DNAH5: variants seen among roughly 807,000 people sequenced by gnomAD.
DNAH5 encodes dynein axonemal heavy chain 5.
DNAH5 carries 372 observed loss-of-function variants against 518.2 expected under a neutral mutation model. That is an observed-to-expected ratio of 0.72 (90% confidence interval 0.66 to 0.78). DNAH5 has a LOEUF of 0.78. Among genes scored for constraint, DNAH5 ranks in the 30% least tolerant of loss-of-function variants. DNAH5 has a pLI of 0.00. For missense variants in DNAH5, 5,523 were observed against 5,687.0 expected, an observed-to-expected ratio of 0.97 and a Z score of 0.93; for synonymous variants, 2,039 against 2,025.9, an observed-to-expected ratio of 1.01 and a Z score of -0.17.
chr5:13,714,524 T>A lies in DNAH5; in HGVS notation c.13006A>T (p.Ile4336Phe). ...GTGTCCTTGGGTTGGATGCCTAGGATGGTGTCCAGCACGTCCTTGGCCAGC... is the reference window on the plus strand; with the variant it reads ...GTGTCCTTGGGTTGGATGCCTAGGAAGGTGTCCAGCACGTCCTTGGCCAGC... ...SKLAKDVLDT[I>F]LGIQPKDTSG... Residue 4336 changes from isoleucine to phenylalanine, a missense_variant, in exon 75 of 79, where the codon ATC (isoleucine) becomes TTC (phenylalanine). Around this residue, in one of 3 missense-constraint regions of DNAH5, gnomAD observed 387 missense variants for 430.0 expected, o/e 0.90. Coordinates refer to ENST00000265104, the MANE Select transcript of DNAH5 (RefSeq NM_001369.3). 6.2e-7 allele frequency: 1 copy of A among 1,614,164 alleles called. No homozygotes were observed. The highest frequency in any genetic ancestry group is 1.3e-5 in the African/African-American group (1 of 75,054).
intron 65 of DNAH5, among the ~76,000 whole-genome samples, chr5:13,738,920 G>A (rs761722294): frequency 2.0e-5 from 3 of 152,122 alleles, no homozygotes; most frequent in Non-Finnish European, 4.4e-5. Context: ...CCTGGATGTG[G>A]AGTCCATTGA....
chr5:13,744,162 T>C (rs1329350460), intron 65 of DNAH5, among the ~76,000 whole-genome samples: 1 of 151,892 alleles, frequency 6.6e-6, no homozygotes, highest in Non-Finnish European at 1.5e-5. Context: ...TAAAAAAGAA[T>C]AAAATCCTGT....
Position 13,691,167 on chromosome 5 carries a change from C to CTTTTAAATTGTTTTCAGTTAAT in DNAH5, c.*816_*817insATTAACTGAAAACAATTTAAAA, listed in dbSNP as rs2126325309. ...GTTATTAAATGCAATTTTATATAGA[C>CTTTTAAATTGTTTTCAGTTAAT]TGTTTTCAGTCTTTTAAATTGTTTC... On this transcript the variant is annotated 3_prime_UTR_variant, in exon 79 of 79. Transcript: ENST00000265104. 1.3e-5 allele frequency: 2 copies of CTTTTAAATTGTTTTCAGTTAAT among 152,166 alleles called. No homozygotes were observed. The highest frequency in any genetic ancestry group is 3.9e-4 in the East Asian group (2 of 5,182). 9.4% of individuals were successfully genotyped at this position (152,166 alleles called of 1,614,324 possible).
At chr5:13,786,373 A>T (rs759456410) in intron 51 of DNAH5, 22 bp from the exon 52 acceptor site, 10 of 1,612,650 alleles carry the variant, frequency 6.2e-6, no homozygotes, top group East Asian at 2.2e-5. Context: ...AATAAGAATC[A>T]GTTAAGTTTC....
rs183647503 is a variant in DNAH5, at chr5:13,760,952, G to A, written c.10281+1770C>T. Among the ~76,000 whole-genome samples, 19 of 152,264 alleles carry A rather than the reference G, an allele frequency of 1.2e-4. No individual in the cohort carries two copies. The East Asian group carries it at 3.3e-3, about 26-fold the overall frequency. On this transcript the variant is annotated intron_variant, in intron 60 of 78. Coordinates refer to ENST00000265104, the MANE Select transcript of DNAH5 (RefSeq NM_001369.3). ...GTCTGTGTAACAGCATGTATTTTTC[G>A]GACTGACGTAAGAGGAACCTGACAA... is the stretch of plus-strand genomic sequence containing the variant.
intron 3 of DNAH5, among the ~76,000 whole-genome samples, chr5:13,925,539 G>A (rs1238349448): frequency 2.6e-5 from 4 of 152,112 alleles, no homozygotes; most frequent in African/African-American, 9.7e-5. Flanking sequence ...ATAGCAGAAG[G>A]CAAGGAGGAG....
chr5:13,910,893 G>A (rs950519365), intron 12 of DNAH5, among the ~76,000 whole-genome samples: 1 of 152,240 alleles, frequency 6.6e-6, no homozygotes, highest in Non-Finnish European at 1.5e-5. Flanking sequence ...TCTGCAGTGA[G>A]CAGGTGAAAG....
intron 16 of DNAH5, among the ~76,000 whole-genome samples, chr5:13,891,880 T>C (rs753936917): frequency 1.3e-5 from 2 of 152,304 alleles, no homozygotes; most frequent in East Asian, 1.9e-4. Context: ...CAACTGCACA[T>C]CAAAAGTAGG....
Position 13,737,427 on chromosome 5 carries a change from T to C in DNAH5, c.11280A>G (p.Leu3760=), listed in dbSNP as rs772169912. Residue 3760 remains leucine (L), a synonymous_variant, in exon 66 of 79, where the codon CTA becomes CTG. Coordinates refer to ENST00000265104, the MANE Select transcript of DNAH5 (RefSeq NM_001369.3). ...TCAGGCGGTAAAGCAAGTTATCTTC[T>C]AGTTCCTTCATCCTTCTTTTGTTTG... ...VTANKRRMKE[L]EDNLLYRLTS... is the part of the protein sequence containing the mutation. 4.3e-6 allele frequency: 7 copies of C among 1,614,206 alleles called. No individual in the cohort carries two copies. Among genetic ancestry groups the C allele is most frequent in the Non-Finnish European group, 5.1e-6 (6 of 1,180,008 alleles).
At chr5:13,881,400 A>G (rs79751457) in intron 21 of DNAH5, among the ~76,000 whole-genome samples, 2,209 of 152,138 alleles carry the variant, frequency 0.015, 58 homozygotes, top group African/African-American at 0.051. Flanking sequence ...TTAGACACAA[A>G]ATGAGTCTTA....
At chr5:14,007,632 T>G (rs1784809841) in intron 1 of DNAH5, among the ~76,000 whole-genome samples, 1 of 152,206 alleles carries the variant, frequency 6.6e-6, no homozygotes, top group South Asian at 2.1e-4. Flanking sequence ...TTTGGACAGA[T>G]TCCTCATAAG....
intron 1 of DNAH5, among the ~76,000 whole-genome samples, chr5:13,956,487 T>C (rs1780769184): frequency 6.6e-6 from 1 of 152,236 alleles, no homozygotes; most frequent in African/African-American, 2.4e-5. Flanking sequence ...GTTGTTCTCA[T>C]TTTTGTTATT....
chr5:13,737,768 A>G (rs1393659565), intron 65 of DNAH5, among the ~76,000 whole-genome samples: 3 of 151,686 alleles, frequency 2.0e-5, no homozygotes, highest in South Asian at 2.1e-4. Flanking sequence ...CTACTAAAAT[A>G]CAAAAAAAAA....
intron 65 of DNAH5, among the ~76,000 whole-genome samples, chr5:13,744,070 T>C (rs911865148): frequency 4.6e-5 from 7 of 152,012 alleles, no homozygotes; most frequent in Non-Finnish European, 8.8e-5. Context: ...TGACAAGATA[T>C]GGAATTAACC....
At chr5:13,723,039 C>G (rs1303167202) in intron 70 of DNAH5, among the ~76,000 whole-genome samples, 1 of 152,198 alleles carries the variant, frequency 6.6e-6, no homozygotes, top group Non-Finnish European at 1.5e-5. Flanking sequence ...TGACCTTCCT[C>G]TCTATTAGTT....
chr5:13,842,423 A>AAAG (rs1391485740), intron 32 of DNAH5, among the ~76,000 whole-genome samples: 33 of 75,958 alleles, frequency 4.3e-4, no homozygotes, highest in African/African-American at 1.9e-3. Flanking sequence ...AAAAGAAAAG[A>AAAG]AAAGAAAGAA....
At chr5:13,894,851 T>C (rs1292880837) in intron 15 of DNAH5, 30 bp from the exon 16 acceptor site, 2 of 1,606,074 alleles carry the variant, frequency 1.2e-6, no homozygotes, top group East Asian at 4.5e-5. Context: ...AAGTAATCAA[T>C]TAATATCTCA....
At chr5:13,982,115 G>A (rs1463134488) in intron 1 of DNAH5, among the ~76,000 whole-genome samples, 1 of 152,240 alleles carries the variant, frequency 6.6e-6, no homozygotes, top group African/African-American at 2.4e-5. Context: ...CTGCCAAACT[G>A]CAAGGCGAGC....
At chr5:13,978,357 T>C (rs556975250) in intron 1 of DNAH5, among the ~76,000 whole-genome samples, 8 of 152,338 alleles carry the variant, frequency 5.3e-5, no homozygotes, top group African/African-American at 1.2e-4. Flanking sequence ...CAGAATGTGG[T>C]TGGACTTCTT....
Sources: gnomAD v4.1 joint callset for allele counts (sites outside exome capture counted in the v4.1 genomes callset) on GRCh38, gnomAD v4.1.1 for gene constraint, gnomAD v4.1.1 regional missense constraint, MANE v1.5 for transcripts, NCBI Gene and HGNC (gene_info 2026-07-23, HGNC 2026-07-21) for gene names.